Variants in SCAPER observed in about 807,000 individuals in gnomAD.
The protein encoded by SCAPER is S phase cyclin A-associated protein in the endoplasmic reticulum.
SCAPER carries 98 observed loss-of-function variants against 182.2 expected under a neutral mutation model. The observed-to-expected ratio is 0.54, with a 90% CI of 0.46 to 0.64. SCAPER has a LOEUF of 0.64. Among genes scored for constraint, SCAPER ranks in the 30% least tolerant of loss-of-function variants. SCAPER has a pLI of 0.00. For synonymous variants in SCAPER, 605 were observed against 564.6 expected, an observed-to-expected ratio of 1.07 and a Z score of -1.01; for missense variants, 1,432 against 1,690.0, an observed-to-expected ratio of 0.85 and a Z score of 2.68.
intron 4 of SCAPER, among the ~76,000 whole-genome samples, chr15:76,854,282 CAA>C (rs1568343822): frequency 6.6e-6 from 1 of 151,556 alleles, no homozygotes; most frequent in Non-Finnish European, 1.5e-5. Flanking sequence ...AAAACAAAAA[CAA>C]AAAAGTCATT....
At chr15:76,564,811 C>G (rs146641792) in intron 23 of SCAPER, among the ~76,000 whole-genome samples, 4 of 152,042 alleles carry the variant, frequency 2.6e-5, no homozygotes, top group East Asian at 1.9e-4. Flanking sequence ...GGTACTGGTA[C>G]GAAAACAGAC....
At chr15:76,742,011 G>A (rs531628307) in intron 15 of SCAPER, among the ~76,000 whole-genome samples, 61 of 152,100 alleles carry the variant, frequency 4.0e-4, no homozygotes, top group Admixed American at 1.6e-3. Flanking sequence ...TTTCAGTTAC[G>A]TTTAACTAAC....
intron 21 of SCAPER, among the ~76,000 whole-genome samples, chr15:76,631,636 G>A (rs1277777672): frequency 6.6e-6 from 1 of 152,184 alleles, no homozygotes; most frequent in Non-Finnish European, 1.5e-5. Context: ...GGCTTGTAGG[G>A]TTTCTGCTGA....
chr15:76,549,985 T>C (rs2045621663), intron 23 of SCAPER, among the ~76,000 whole-genome samples: 1 of 152,066 alleles, frequency 6.6e-6, no homozygotes, highest in African/African-American at 2.4e-5. Flanking sequence ...AACTTCTGCA[T>C]AACAAAGGAA....
At chr15:76,830,696 T>C (rs552021628) in intron 5 of SCAPER, among the ~76,000 whole-genome samples, 20 of 151,988 alleles carry the variant, frequency 1.3e-4, no homozygotes, top group African/African-American at 4.6e-4. Context: ...GGAGATATCA[T>C]GAACTTTGTT....
intron 24 of SCAPER, among the ~76,000 whole-genome samples, chr15:76,500,859 G>A (rs157762): frequency 0.1 from 15,499 of 151,728 alleles, 927 homozygotes; most frequent in African/African-American, 0.17. Context: ...GGCTAACATC[G>A]TGAAACCCTG....
intron 26 of SCAPER, among the ~76,000 whole-genome samples, chr15:76,410,983 T>C (rs912016409): frequency 1.3e-5 from 2 of 152,168 alleles, no homozygotes; most frequent in African/African-American, 2.4e-5. Flanking sequence ...AAATAATAAA[T>C]GCACAAAACT....
chr15:76,803,497 A>G (rs2065931199), intron 6 of SCAPER, among the ~76,000 whole-genome samples: 1 of 152,196 alleles, frequency 6.6e-6, no homozygotes, highest in South Asian at 2.1e-4. Flanking sequence ...TTAGAAATGC[A>G]CTTAGTCCAT....
intron 22 of SCAPER, among the ~76,000 whole-genome samples, chr15:76,606,024 G>C (rs745881280): frequency 1.3e-5 from 2 of 152,096 alleles, no homozygotes; most frequent in Non-Finnish European, 2.9e-5. Context: ...ATTTCCTTCA[G>C]TTCTGCAATG....
chr15:76,517,352 C>CTT (rs780568492), intron 23 of SCAPER, among the ~76,000 whole-genome samples: 28 of 138,468 alleles, frequency 2.0e-4, no homozygotes, highest in African/African-American at 6.9e-4. Context: ...ATATTAACAT[C>CTT]TTTTTTTTTT....
chr15:76,633,839 C>G (rs546258809), intron 21 of SCAPER, among the ~76,000 whole-genome samples: 7 of 152,364 alleles, frequency 4.6e-5, no homozygotes, highest in African/African-American at 1.7e-4. Context: ...CCGCCCGGAA[C>G]TTGGTCTTTA....
At chr15:76,709,009 T>C (rs1325115520) in intron 17 of SCAPER, among the ~76,000 whole-genome samples, 4 of 152,004 alleles carry the variant, frequency 2.6e-5, no homozygotes, top group Non-Finnish European at 5.9e-5. Flanking sequence ...GAGATTATGG[T>C]GAGCTGAGAG....
chr15:76,404,390 A>G (rs2044674573), intron 27 of SCAPER, 134 bp downstream of exon 27: 1 of 840,388 alleles, frequency 1.2e-6, no homozygotes, highest in Admixed American at 2.5e-5. Context: ...TAGAAAGCCA[A>G]TGATGGGGAA....
intron 14 of SCAPER, among the ~76,000 whole-genome samples, chr15:76,761,762 T>G (rs1326223779): frequency 6.6e-6 from 1 of 152,116 alleles, no homozygotes; most frequent in South Asian, 2.1e-4. Flanking sequence ...ATTCTGCTGA[T>G]TTGGGGGTAG....
At chr15:76,637,083 GCCACCACCA>G (rs556604865) in intron 21 of SCAPER, among the ~76,000 whole-genome samples, 7 of 151,428 alleles carry the variant, frequency 4.6e-5, no homozygotes, top group South Asian at 2.1e-4. Context: ...AGGCTATGCA[GCCACCACCA>G]CCACCACCAC....
intron 23 of SCAPER, among the ~76,000 whole-genome samples, chr15:76,546,883 C>G (rs2144854872): frequency 6.6e-6 from 1 of 152,160 alleles, no homozygotes; most frequent in South Asian, 2.1e-4. Flanking sequence ...GAGTCAATGA[C>G]CTGTTCAATG....
chr15:76,884,769 T>C (rs1055431350), intron 1 of SCAPER, among the ~76,000 whole-genome samples: 1 of 151,940 alleles, frequency 6.6e-6, no homozygotes, highest in African/African-American at 2.4e-5. Context: ...CAAATACCTA[T>C]CAACTGATGA....
chr15:76,476,416 C>A (rs747320228), intron 24 of SCAPER, among the ~76,000 whole-genome samples: 2 of 151,512 alleles, frequency 1.3e-5, no homozygotes, highest in Non-Finnish European at 2.9e-5. Flanking sequence ...CCCTTCCTTT[C>A]CTTTCTTTTC....
rs371112611 is a variant in SCAPER at position 76,396,711 on chromosome 15, T to C, written c.3467+7813A>G. On this transcript the variant is annotated intron_variant, in intron 27 of 31. Coordinates refer to ENST00000563290, the MANE Select transcript of SCAPER (RefSeq NM_020843.4). ...TTGGTTTATCGGTTCTAATAGCTTTTTGATGGAGTCTTTAGGTTTTTCCAA... is the reference window on the plus strand; with the variant it reads ...TTGGTTTATCGGTTCTAATAGCTTTCTGATGGAGTCTTTAGGTTTTTCCAA... 2.0e-5 allele frequency among the ~76,000 whole-genome samples: 3 copies of C among 152,340 alleles called. No homozygotes were observed. In the East Asian group the frequency reaches 5.8e-4, roughly 29 times the overall value.
Sources: allele counts gnomAD v4.1 joint callset (sites outside exome capture counted in the v4.1 genomes callset), GRCh38; gene constraint gnomAD v4.1.1; transcripts MANE v1.5; gene names NCBI Gene and HGNC (gene_info 2026-07-23, HGNC 2026-07-21).